CCDC9: variants seen among roughly 807,000 people sequenced by gnomAD.
CCDC9 encodes the protein coiled-coil domain-containing protein 9.
Under a neutral mutation model 65.6 loss-of-function variants are expected in CCDC9, and 52 were observed. The ratio of observed to expected loss-of-function variants is 0.79; its 90% CI spans 0.63 to 1.00. The LOEUF (loss-of-function observed/expected upper bound fraction) is 1.00, where lower values mean the gene tolerates loss of function less well. Ranked by LOEUF, CCDC9 falls within the 50% of genes least tolerant of loss-of-function variation. The pLI, the probability that CCDC9 is intolerant of heterozygous loss-of-function variation, is 0.00. For synonymous variants in CCDC9, 332 were observed against 280.3 expected (o/e 1.18, Z -1.84); for missense variants, 834 against 757.2 (o/e 1.10, Z -1.19).
chr19:47,271,724 T>TGTGC lies in CCDC9; in HGVS notation c.*49_*50insCGTG, dbSNP rs2059122464. 6 of 1,266,106 alleles carry TGTGC rather than the reference T, an allele frequency of 4.7e-6. No homozygotes were observed. The African/African-American group carries it at 1.3e-4, about 27-fold the overall frequency. The allele number at this position is 1,266,106 out of a possible 1,614,324, so 78.4% of individuals were successfully genotyped here. On this transcript the variant is annotated 3_prime_UTR_variant, in exon 12 of 12. Coordinates refer to ENST00000221922, the MANE Select transcript of CCDC9 (RefSeq NM_015603.3). ...GTGTGTGTGTGTGTGTGTGTGTGTGTGTGTGTGTGCGCGCGCGCGCGCGCG... is the reference window on the plus strand; with the variant it reads ...GTGTGTGTGTGTGTGTGTGTGTGTGTGTGCGTGTGTGTGCGCGCGCGCGCGCGCG...
At chr19:47,260,471 G>A (rs2123446259) in intron 4 of CCDC9, 49 bp downstream of exon 4, 2 of 1,608,478 alleles carry the variant, frequency 1.2e-6, no homozygotes, top group East Asian at 2.2e-5. Context: ...GAGGGGCAGA[G>A]GGTTGAGGCC....
rs1381273514 is a variant in CCDC9, at chr19:47,259,357, A to G, written c.108+694A>G. Among the ~76,000 whole-genome samples, 3 of 152,236 alleles carry G rather than the reference A, an allele frequency of 2.0e-5. No homozygotes were observed. In the East Asian group the frequency reaches 5.8e-4, roughly 29 times the overall value. The stretch of plus-strand genomic sequence containing the variant: ...CTTGAGCAGGGGTGGGACCGGTCAG[A>G]ACAGCTCTTTAGGAAGACGCCTCTG... On this transcript the variant is annotated intron_variant, in intron 3 of 11. Transcript: ENST00000221922.
At chr19:47,273,281 C>CG (rs922432690), downstream of CCDC9, 81 of 847,280 alleles carry the variant, frequency 9.6e-5, no homozygotes, top group Non-Finnish European at 2.0e-5. Context: ...CGTGGCTAGA[C>CG]GGGGGAGGGG....
At chr19:47,266,291 G>A (rs2059082009) in intron 7 of CCDC9, 8 of 290,802 alleles carry the variant, frequency 2.8e-5, no homozygotes, top group Non-Finnish European at 5.1e-5. Context: ...CACCGCGCCC[G>A]GCGGGAGAAG....
At position 47,264,702 on chromosome 19, in the gene CCDC9, G is replaced by A; in HGVS notation, c.546+16G>A. Reference sequence around the variant, plus strand: ...CAACCAGCGGGTCAGTGGTGCGGGTGTCCCCGAGGCAGGGCCGAGCTGCCT... The same window carrying A: ...CAACCAGCGGGTCAGTGGTGCGGGTATCCCCGAGGCAGGGCCGAGCTGCCT... On this transcript the variant is annotated intron_variant, in intron 6 of 11. Transcript: ENST00000221922. 6.2e-7 allele frequency: 1 copy of A among 1,602,948 alleles called. No individual in the cohort carries two copies. The highest frequency in any genetic ancestry group is 8.5e-7 in the Non-Finnish European group (1 of 1,175,044).
chr19:47,271,215 G>C lies in CCDC9; in HGVS notation c.1191+28G>C, dbSNP rs757204970. 1.9e-6 allele frequency: 3 copies of C among 1,606,108 alleles called. No individual in the cohort carries two copies. The Admixed American group carries it at 5.1e-5, about 27-fold the overall frequency. On this transcript the variant is annotated intron_variant, in intron 11 of 11. Transcript: ENST00000221922. ...GAGGCTGGGCTGTGGTTCAGGGCACGGGCCTGGGGTGGGGGCTCAGGACCT... is the reference window on the plus strand; with the variant it reads ...GAGGCTGGGCTGTGGTTCAGGGCACCGGCCTGGGGTGGGGGCTCAGGACCT...
rs1320822930 is a variant in CCDC9 at position 47,271,865 on chromosome 19, A to G, written c.*187A>G. The G allele has an allele frequency of 2.2e-6, 3 of 1,373,666 alleles. No individual in the cohort carries two copies. Among genetic ancestry groups the G allele is most frequent in the Non-Finnish European group, 1.9e-6 (2 of 1,066,894 alleles). The allele number at this position is 1,373,666 out of a possible 1,614,324, so 85.1% of individuals were successfully genotyped here. A position where few individuals can be genotyped will look rare whatever the true frequency, so the allele number is the denominator to read the frequency against. On this transcript the variant is annotated 3_prime_UTR_variant, in exon 12 of 12. Transcript: ENST00000221922. Reference sequence around the variant, plus strand: ...GGTAGCGCAGCCCATGCTCTTCTGTACTGTCATGCCCGTCTCTGGAATGTC... The same window carrying G: ...GGTAGCGCAGCCCATGCTCTTCTGTGCTGTCATGCCCGTCTCTGGAATGTC...
At position 47,271,199 on chromosome 19, in the gene CCDC9, C is replaced by T; in HGVS notation, c.1191+12C>T. On this transcript the variant is annotated intron_variant, in intron 11 of 11. Transcript: ENST00000221922. ...AGACACCCATGCAGGTGAGGCTGGG[C>T]TGTGGTTCAGGGCACGGGCCTGGGG... The T allele has an allele frequency of 6.2e-7, 1 of 1,604,904 alleles. No individual in the cohort carries two copies. The highest frequency in any genetic ancestry group is 8.5e-7 in the Non-Finnish European group (1 of 1,175,800).
At chr19:47,271,970 G>T, downstream of CCDC9, 1 of 1,272,402 alleles carries the variant, frequency 7.9e-7, no homozygotes, top group Non-Finnish European at 9.9e-7. Context: ...TCCCCCAGGT[G>T]TGTCCTTGAA....
downstream of CCDC9, chr19:47,273,514 G>A (rs1304736301): frequency 1.9e-6 from 1 of 533,364 alleles, no homozygotes; most frequent in Non-Finnish European, 2.9e-6. Flanking sequence ...CCACCGCCTC[G>A]CTCCTCTGTC....
downstream of CCDC9, chr19:47,273,427 G>A (rs1005494854): frequency 1.6e-6 from 2 of 1,230,074 alleles, no homozygotes; most frequent in African/African-American, 3.1e-5. Context: ...GCAAGGTGGT[G>A]GCGGCCCCTC....
chr19:47,270,351 A>G (rs372250323), intron 8 of CCDC9, 56 bp from the exon 9 acceptor site: 1 of 1,563,460 alleles, frequency 6.4e-7, no homozygotes, highest in Non-Finnish European at 8.8e-7. Flanking sequence ...CATCTTCTTG[A>G]TCCTCTTGTT....
intron 3 of CCDC9, 84 bp downstream of exon 3, chr19:47,258,747 T>C (rs1600275526): frequency 2.3e-5 from 23 of 982,286 alleles, no homozygotes; most frequent in Non-Finnish European, 3.7e-5. Flanking sequence ...TTAAAACCTT[T>C]TCATGGCTCC....
chr19:47,271,688 C>CGT lies in CCDC9; in HGVS notation c.*10_*11insGT, dbSNP rs1555803412. 33 of 1,367,612 alleles carry CGT rather than the reference C, an allele frequency of 2.4e-5. No homozygotes were observed. Among genetic ancestry groups the CGT allele is most frequent in the Admixed American group, 1.4e-4 (7 of 49,154 alleles). The allele number at this position is 1,367,612 out of a possible 1,614,324, so 84.7% of individuals were successfully genotyped here. The stretch of plus-strand genomic sequence containing the variant: ...TTTTGAGAGTGTATGAAGCTGGCTG[C>CGT]CTGTGTGTGTGTGTGTGTGTGTGTG... On this transcript the variant is annotated 3_prime_UTR_variant, in exon 12 of 12. Coordinates refer to ENST00000221922, the MANE Select transcript of CCDC9 (RefSeq NM_015603.3).
chr19:47,275,159 G>A (rs1241293512), downstream of CCDC9: 1 of 1,478,548 alleles, frequency 6.8e-7, no homozygotes, highest in Non-Finnish European at 8.9e-7. Context: ...CTGCCCGCCC[G>A]GGCGTGCCGC....
In CCDC9 at chr19:47,271,371, A is replaced by G. The variant is rs551992604; in HGVS notation, c.1289A>G (p.Asp430Gly). The change falls in exon 12 of 12, where the codon GAT (aspartate) becomes GGT (glycine). Residue 430 changes from aspartate to glycine, a missense_variant. Physicochemically the swap from Asp to Gly is moderately conservative, Grantham distance 94 (BLOSUM62 -1). Coordinates refer to ENST00000221922, the MANE Select transcript of CCDC9 (RefSeq NM_015603.3). ...EDEEWEDISE[D>G]EEEEEIEVEE... ...GAAGAATGGGAGGACATAAGTGAGG[A>G]TGAGGAAGAGGAGGAGATCGAGGTG... 2.2e-5 allele frequency: 35 copies of G among 1,613,702 alleles called. No individual in the cohort carries two copies. The Admixed American group carries it at 4.5e-4, about 21-fold the overall frequency.
chr19:47,263,993 C>G (rs2059062999), intron 5 of CCDC9, among the ~76,000 whole-genome samples: 1 of 152,108 alleles, frequency 6.6e-6, no homozygotes. Context: ...ATTCTCTTGC[C>G]TCAGCCTCCC....
chr19:47,271,534 C>A lies in CCDC9; in HGVS notation c.1452C>A (p.Gly484=), dbSNP rs773463335. 2 of 1,613,148 alleles carry A rather than the reference C, an allele frequency of 1.2e-6. No individual in the cohort carries two copies. Among genetic ancestry groups the A allele is most frequent in the Non-Finnish European group, 1.7e-6 (2 of 1,179,916 alleles). ...CCCTGCTGGAGCCCCAGGCCCCTGG[C>A]ACGCCTTCCAGCCCTTTCTCACCAC... The part of the protein sequence containing the change: ...EEPLLEPQAP[G]TPSSPFSPPS... The change falls in exon 12 of 12, where the codon GGC becomes GGA. Residue 484 remains glycine, a synonymous_variant. Transcript: ENST00000221922.
chr19:47,272,225 C>T, downstream of CCDC9: 1 of 1,109,840 alleles, frequency 9.0e-7, no homozygotes, highest in South Asian at 4.6e-5. Flanking sequence ...GGCTGAGGGG[C>T]AGAGGGCTTG....
Sources: allele counts gnomAD v4.1 joint callset (sites outside exome capture counted in the v4.1 genomes callset), GRCh38; gene constraint gnomAD v4.1.1; transcripts MANE v1.5; gene names NCBI Gene and HGNC (gene_info 2026-07-23, HGNC 2026-07-21).